LCORL: variants seen among roughly 807,000 people sequenced by gnomAD.
LCORL encodes the protein ligand dependent nuclear receptor corepressor like.
LCORL carries 41 observed loss-of-function variants against 141.8 expected under a neutral mutation model. The ratio of observed to expected loss-of-function variants is 0.29; its 90% CI spans 0.23 to 0.38. The LOEUF is 0.38. Among genes scored for constraint, LCORL ranks in the 10% least tolerant of loss-of-function variants. The pLI is 1.00. For synonymous variants in LCORL, 618 were observed against 694.1 expected (o/e 0.89, Z 1.72); for missense variants, 1,759 against 2,035.0 (o/e 0.86, Z 2.61).
At chr4:17,925,440 C>G (rs1280469160) in intron 4 of LCORL, among the ~76,000 whole-genome samples, 2 of 152,162 alleles carry the variant, frequency 1.3e-5, no homozygotes, top group Non-Finnish European at 2.9e-5. Flanking sequence ...TAAAAACCCA[C>G]AGCCCACTGA....
chr4:17,864,987 G>A (rs79649121), intron 7 of LCORL, among the ~76,000 whole-genome samples: 5 of 152,188 alleles, frequency 3.3e-5, no homozygotes, highest in Admixed American at 2.6e-4. Flanking sequence ...TATTTACAAA[G>A]CTTCAAAATA....
intron 5 of LCORL, among the ~76,000 whole-genome samples, chr4:17,886,527 A>C (rs1415765149): frequency 1.3e-5 from 2 of 152,050 alleles, no homozygotes; most frequent in Non-Finnish European, 2.9e-5. Context: ...GGAAGGTGGG[A>C]GTGATGTAAA....
At chr4:17,882,990 T>G in intron 6 of LCORL, 1 of 948,714 alleles carries the variant, frequency 1.1e-6, no homozygotes, top group African/African-American at 1.8e-5. Context: ...CATCTTATTA[T>G]ATTAAAGGGT....
intron 2 of LCORL, among the ~76,000 whole-genome samples, chr4:17,966,642 T>C (rs1714940251): frequency 6.6e-6 from 1 of 152,178 alleles, no homozygotes; most frequent in South Asian, 2.1e-4. Flanking sequence ...TCTGTCTGAA[T>C]AGATACATCA....
intron 1 of LCORL, among the ~76,000 whole-genome samples, chr4:17,995,293 G>A (rs930918923): frequency 6.7e-6 from 1 of 149,696 alleles, no homozygotes; most frequent in Non-Finnish European, 1.5e-5. Context: ...GGACTACAGT[G>A]TCTCCATTAA....
At chr4:17,989,394 G>A (rs1334660716) in intron 1 of LCORL, among the ~76,000 whole-genome samples, 1 of 152,104 alleles carries the variant, frequency 6.6e-6, no homozygotes, top group Non-Finnish European at 1.5e-5. Context: ...AAAAGAATTT[G>A]TTAATTGGGC....
chr4:17,990,754 G>A (rs947439564), intron 1 of LCORL, among the ~76,000 whole-genome samples: 16 of 150,768 alleles, frequency 1.1e-4, no homozygotes, highest in African/African-American at 3.7e-4. Flanking sequence ...GCCTCAGCCC[G>A]GTCCTGGCCC....
intron 7 of LCORL, 39 bp from the exon 8 acceptor site, chr4:17,845,940 A>C (rs1182456688): frequency 6.6e-7 from 1 of 1,505,026 alleles, no homozygotes; most frequent in African/African-American, 1.4e-5. Context: ...TTTTACTTTA[A>C]TTTCAAAGTA....
At chr4:18,010,717 G>A (rs993877238) in intron 1 of LCORL, among the ~76,000 whole-genome samples, 35 of 152,080 alleles carry the variant, frequency 2.3e-4, no homozygotes, top group Admixed American at 1.8e-3. Flanking sequence ...TTCCCAAAGC[G>A]CTGGGATTAC....
At chr4:17,953,192 TC>T (rs1420665132) in intron 4 of LCORL, among the ~76,000 whole-genome samples, 11 of 152,238 alleles carry the variant, frequency 7.2e-5, no homozygotes, top group African/African-American at 2.7e-4. Flanking sequence ...TTGTGAATAG[TC>T]CTGCAATGAA....
At chr4:17,937,260 C>T (rs1433861270) in intron 4 of LCORL, among the ~76,000 whole-genome samples, 2 of 152,066 alleles carry the variant, frequency 1.3e-5, no homozygotes, top group Admixed American at 1.3e-4. Flanking sequence ...AATATGCTTC[C>T]ACTGCTAGAT....
chr4:18,020,371 A>C (rs1032013562), intron 1 of LCORL, among the ~76,000 whole-genome samples: 24 of 152,202 alleles, frequency 1.6e-4, no homozygotes, highest in African/African-American at 4.8e-4. Flanking sequence ...TTCACTCGCC[A>C]GTAGAGCAAG....
At chr4:17,940,484 ATG>A (rs1737768489) in intron 4 of LCORL, among the ~76,000 whole-genome samples, 1 of 148,310 alleles carries the variant, frequency 6.7e-6, no homozygotes. Context: ...TGTAATATAT[ATG>A]TATTATGTAA....
intron 4 of LCORL, among the ~76,000 whole-genome samples, chr4:17,938,093 C>A (rs537577195): frequency 6.7e-6 from 1 of 149,920 alleles, no homozygotes; most frequent in Non-Finnish European, 1.5e-5. Flanking sequence ...GCAACCTCTG[C>A]CTCCTGGGTT....
intron 1 of LCORL, among the ~76,000 whole-genome samples, chr4:17,974,289 G>A (rs1716532392): frequency 6.6e-6 from 1 of 152,006 alleles, no homozygotes; most frequent in South Asian, 2.1e-4. Flanking sequence ...CGCATTTTAT[G>A]TCTCTTTAGC....
chr4:17,881,363 A>C (rs1048350844), intron 6 of LCORL: 1 of 981,404 alleles, frequency 1.0e-6, no homozygotes, highest in Admixed American at 6.2e-5. Flanking sequence ...GGAGAAGGGG[A>C]ATTTCCCTGC....
At chr4:18,001,923 A>G (rs1245985364) in intron 1 of LCORL, among the ~76,000 whole-genome samples, 3 of 152,212 alleles carry the variant, frequency 2.0e-5, no homozygotes, top group Admixed American at 2.0e-4. Context: ...GGAAATAGAC[A>G]GTCCTATACA....
rs925681649 is a variant in LCORL, at chr4:18,021,206, G to T, written c.154+392C>A. Among the ~76,000 whole-genome samples, 9 of 152,104 alleles carry T rather than the reference G, an allele frequency of 5.9e-5. No homozygotes were observed. The highest frequency in any genetic ancestry group is 3.9e-4 in the Admixed American group (6 of 15,284). On this transcript the variant is annotated intron_variant, in intron 1 of 7. Coordinates refer to ENST00000635767, the Ensembl canonical transcript of LCORL. The surrounding 1 kb of genome is among the most constrained non-coding windows in gnomAD (Gnocchi z 5.5). ...CCTTCCTCCGGCCGCCCTGCCCGCCGGCTCTCCTCCGCCAGGGCGCCGACC... is the reference window on the plus strand; with the variant it reads ...CCTTCCTCCGGCCGCCCTGCCCGCCTGCTCTCCTCCGCCAGGGCGCCGACC...
intron 1 of LCORL, among the ~76,000 whole-genome samples, chr4:17,997,243 A>C (rs1411846889): frequency 6.6e-6 from 1 of 152,146 alleles, no homozygotes; most frequent in East Asian, 1.9e-4. Context: ...CGCCTTCTCC[A>C]ATCTTACTTG....
Sources: gnomAD v4.1 joint callset for allele counts (sites outside exome capture counted in the v4.1 genomes callset) on GRCh38, gnomAD v4.1.1 for gene constraint, Gnocchi (gnomAD v3.1) non-coding constraint, MANE v1.5 for transcripts, NCBI Gene and HGNC (gene_info 2026-07-23, HGNC 2026-07-21) for gene names.